ANGEL2: variants seen among roughly 807,000 people sequenced by gnomAD.
The protein encoded by ANGEL2 is RNA 2',3'-cyclic phosphatase ANGEL2.
ANGEL2 carries 41 observed loss-of-function variants against 66.0 expected under a neutral mutation model. That is an observed-to-expected ratio of 0.62 (90% CI 0.48 to 0.81). ANGEL2 has a LOEUF of 0.81. Ranked by LOEUF, ANGEL2 falls within the 30% of genes least tolerant of loss-of-function variation. The pLI is 0.00. For synonymous variants in ANGEL2, 208 were observed against 226.5 expected (o/e 0.92, Z 0.73); for missense variants, 561 against 641.6 (o/e 0.87, Z 1.36).
Position 213,015,804 on chromosome 1 carries a change from TGCTGGGAGGTGCAGTCTCGCCG to T in ANGEL2, c.-155_-134del. 1 of 1,198,232 alleles carries T rather than the reference TGCTGGGAGGTGCAGTCTCGCCG, an allele frequency of 8.3e-7. No individual in the cohort carries two copies. The highest frequency in any genetic ancestry group is 1.2e-6 in the Non-Finnish European group (1 of 841,124). 74.2% of individuals were successfully genotyped at this position (1,198,232 alleles called of 1,614,324 possible). On this transcript the variant is annotated 5_prime_UTR_variant, in exon 1 of 9. The change creates a premature stop within an existing upstream ORF in the 5' untranslated region. Transcript: ENST00000366962. Reference sequence around the variant, plus strand: ...CGACTCCAGTCCTGGCTGCAAGGCATGCTGGGAGGTGCAGTCTCGCCGGCCGGCCTACACTCCATCTTGCGCA... The same window carrying T: ...CGACTCCAGTCCTGGCTGCAAGGCATGCCGGCCTACACTCCATCTTGCGCA...
intron 1 of ANGEL2, among the ~76,000 whole-genome samples, chr1:213,014,380 C>T (rs2076583872): frequency 6.6e-6 from 1 of 152,136 alleles, no homozygotes; most frequent in African/African-American, 2.4e-5. Flanking sequence ...CGCTGTTATT[C>T]TCGTTTTAAC....
intron 3 of ANGEL2, 89 bp downstream of exon 3, chr1:213,008,121 C>T (rs777890554): frequency 1.4e-6 from 2 of 1,442,012 alleles, no homozygotes; most frequent in Non-Finnish European, 1.9e-6. Context: ...GCCTCAGCCT[C>T]CCAAAGTGCT....
Position 213,015,767 on chromosome 1 carries a change from A to G in ANGEL2, c.-96T>C. 1 of 1,532,824 alleles carries G rather than the reference A, an allele frequency of 6.5e-7. No individual in the cohort carries two copies. Among genetic ancestry groups the G allele is most frequent in the South Asian group, 1.1e-5 (1 of 87,664 alleles). The allele number at this position is 1,532,824 out of a possible 1,614,324, so 95.0% of individuals were successfully genotyped here. On this transcript the variant is annotated 5_prime_UTR_variant, in exon 1 of 9. Coordinates refer to ENST00000366962, the MANE Select transcript of ANGEL2 (RefSeq NM_144567.5). ...CCTAAAGTATCTAGGGAACCCCATC[A>G]CTCTTAAGTACCGACTCCAGTCCTG...
At position 213,015,834 on chromosome 1, in the gene ANGEL2, T is replaced by C; in HGVS notation, c.-163A>G. The C allele has an allele frequency of 1.7e-5, 14 of 834,992 alleles. No individual in the cohort carries two copies. The highest frequency in any genetic ancestry group is 2.6e-5 in the Non-Finnish European group (14 of 533,802). 51.7% of individuals were successfully genotyped at this position (834,992 alleles called of 1,614,324 possible). On this transcript the variant is annotated 5_prime_UTR_variant, in exon 1 of 9. Coordinates refer to ENST00000366962, the MANE Select transcript of ANGEL2 (RefSeq NM_144567.5). ...GGAGGTGCAGTCTCGCCGGCCGGCC[T>C]ACACTCCATCTTGCGCAGTCAGAGT...
In ANGEL2 at chr1:213,015,577, C is replaced by T. The variant is rs377459190; in HGVS notation, c.59+36G>A. The T allele has an allele frequency of 1.1e-5, 17 of 1,610,702 alleles. No individual in the cohort carries two copies. In the African/African-American group the frequency reaches 1.7e-4, roughly 16 times the overall value. On this transcript the variant is annotated intron_variant, in intron 1 of 8. Transcript: ENST00000366962. ...CGCCCGCTCTTTCAGGCCGCCCGCC[C>T]CTCTCTCCTCCCTCCGAGTACCCAG...
chr1:213,000,442 A>G (rs1315146661), intron 6 of ANGEL2, 59 bp from the exon 7 acceptor site: 1 of 1,403,120 alleles, frequency 7.1e-7, no homozygotes, highest in East Asian at 2.3e-5. Context: ...TAATATCGTC[A>G]TCTTACTCTA....
chr1:213,008,498 T>G, intron 2 of ANGEL2, 32 bp from the exon 3 acceptor site: 2 of 1,595,560 alleles, frequency 1.3e-6, no homozygotes, highest in Non-Finnish European at 1.7e-6. Flanking sequence ...ATATAAGGAA[T>G]TAATCAAAAG....
intron 8 of ANGEL2, among the ~76,000 whole-genome samples, 187 bp from the exon 9 acceptor site, chr1:212,995,379 C>A (rs948439003): frequency 2.0e-5 from 3 of 152,148 alleles, no homozygotes; most frequent in African/African-American, 7.2e-5. Context: ...ATCAAACACA[C>A]AGCAGTTTGA....
chr1:213,009,143 GCAA>G (rs2076425149), intron 2 of ANGEL2, among the ~76,000 whole-genome samples: 1 of 152,238 alleles, frequency 6.6e-6, no homozygotes, highest in Non-Finnish European at 1.5e-5. Flanking sequence ...AACCTAGCAT[GCAA>G]CAACCAGGCG....
intron 4 of ANGEL2, among the ~76,000 whole-genome samples, chr1:213,005,878 C>T (rs1159420487): frequency 6.6e-6 from 1 of 152,124 alleles, no homozygotes; most frequent in Non-Finnish European, 1.5e-5. Flanking sequence ...TTTCTGTTGC[C>T]TAGAATGTTC....
intron 8 of ANGEL2, 120 bp from the exon 9 acceptor site, chr1:212,995,312 CTA>C (rs2075966629): frequency 1.4e-6 from 1 of 718,040 alleles, no homozygotes; most frequent in African/African-American, 1.8e-5. Context: ...AGACTAAAAA[CTA>C]TGACACAGTT....
At chr1:213,003,285 C>T (rs530531062) in intron 5 of ANGEL2, among the ~76,000 whole-genome samples, 1 of 152,382 alleles carries the variant, frequency 6.6e-6, no homozygotes, top group East Asian at 1.9e-4. Flanking sequence ...CCTTCATACA[C>T]TGGAGTAGCA....
At chr1:213,008,558 T>A in intron 2 of ANGEL2, 92 bp from the exon 3 acceptor site, 8 of 1,420,250 alleles carry the variant, frequency 5.6e-6, no homozygotes, top group Non-Finnish European at 7.6e-6. Flanking sequence ...TCTTAAAAAT[T>A]CCCATAAGCA....
intron 2 of ANGEL2, among the ~76,000 whole-genome samples, chr1:213,010,301 G>A (rs2076470064): frequency 6.6e-6 from 1 of 152,062 alleles, no homozygotes; most frequent in Non-Finnish European, 1.5e-5. Context: ...GCCGGGCGTG[G>A]TGGCTCACAC....
chr1:213,015,515 G>GAC, intron 1 of ANGEL2, 98 bp downstream of exon 1: 1 of 1,244,584 alleles, frequency 8.0e-7, no homozygotes, highest in Non-Finnish European at 1.0e-6. Context: ...TCCACCCCTA[G>GAC]CCCGCCCCGC....
chr1:212,999,573 G>A (rs2076122677), intron 7 of ANGEL2, among the ~76,000 whole-genome samples: 1 of 152,066 alleles, frequency 6.6e-6, no homozygotes, highest in Admixed American at 6.5e-5. Context: ...TAAAATAAAT[G>A]AGAATTGGTC....
intron 8 of ANGEL2, among the ~76,000 whole-genome samples, chr1:212,996,418 T>C (rs978846941): frequency 6.6e-6 from 1 of 151,444 alleles, no homozygotes; most frequent in Non-Finnish European, 1.5e-5. Flanking sequence ...GCCCAGGAGT[T>C]TGAGACCAGC....
In ANGEL2 at chr1:213,015,626, C is replaced by T. The variant is rs200589877; in HGVS notation, c.46G>A (p.Val16Met). Residue 16 changes from valine to methionine, a missense_variant, in exon 1 of 9, where the codon GTG (valine) becomes ATG (methionine). Val to Met is a conservative substitution (Grantham distance 21). Coordinates refer to ENST00000366962, the MANE Select transcript of ANGEL2 (RefSeq NM_144567.5). Reference sequence around the variant, plus strand: ...AGCCCTACTGACCGGCCTCTTCCCACCACACAGTGGCCGTAGCCCTTCCTC... The same window carrying T: ...AGCCCTACTGACCGGCCTCTTCCCATCACACAGTGGCCGTAGCCCTTCCTC... ...CVRKGYGHCV[V>M]GRGRYPMFPH... 1.1e-5 allele frequency: 18 copies of T among 1,614,130 alleles called. No homozygotes were observed. The highest frequency in any genetic ancestry group is 1.4e-5 in the Non-Finnish European group (17 of 1,180,020).
intron 2 of ANGEL2, among the ~76,000 whole-genome samples, chr1:213,010,032 CA>C (rs1375369376): frequency 9.8e-5 from 11 of 112,222 alleles, no homozygotes; most frequent in East Asian, 2.7e-4. Flanking sequence ...GCCTGGGCAA[CA>C]AGAGTGAGAC....
Sources: allele counts gnomAD v4.1 joint callset (sites outside exome capture counted in the v4.1 genomes callset), GRCh38; gene constraint gnomAD v4.1.1; transcripts MANE v1.5; gene names NCBI Gene and HGNC (gene_info 2026-07-23, HGNC 2026-07-21).